CCDC150: variants seen among roughly 807,000 people sequenced by gnomAD.
CCDC150 encodes coiled-coil domain-containing protein 150.
A neutral mutation model predicts 156.5 loss-of-function variants in CCDC150; 151 were observed. That is an observed-to-expected ratio of 0.97 (90% CI 0.85 to 1.10). The LOEUF (loss-of-function observed/expected upper bound fraction) is 1.10, where lower values mean the gene tolerates loss of function less well. CCDC150 is among the 50% of genes least tolerant of loss of function. The pLI is 0.00. For synonymous variants in CCDC150, 452 were observed against 429.4 expected, an observed-to-expected ratio of 1.05 and a Z score of -0.65; for missense variants, 1,312 against 1,268.1, an observed-to-expected ratio of 1.03 and a Z score of -0.53.
chr2:196,712,793 A>T lies in CCDC150; in HGVS notation c.1866+54A>T, dbSNP rs114937787. 1,969 of 1,306,050 alleles carry T rather than the reference A, an allele frequency of 1.5e-3. 19 individuals carry two copies. The African/African-American group carries it at 0.025, about 17-fold the overall frequency. 80.9% of individuals were successfully genotyped at this position (1,306,050 alleles called of 1,614,324 possible). ...AGCATGGTGGCTCTTGAAGCTAAAAACCTTTCATAGTTCACATAATATTTT... is the reference window on the plus strand; with the variant it reads ...AGCATGGTGGCTCTTGAAGCTAAAATCCTTTCATAGTTCACATAATATTTT... On this transcript the variant is annotated intron_variant, in intron 17 of 27. Transcript: ENST00000389175.
intron 5 of CCDC150, among the ~76,000 whole-genome samples, chr2:196,664,781 C>A (rs972535086): frequency 2.0e-4 from 30 of 152,112 alleles, no homozygotes; most frequent in Non-Finnish European, 2.5e-4. Context: ...CCCCACCCCC[C>A]AGCCAATCAG....
intron 13 of CCDC150, among the ~76,000 whole-genome samples, chr2:196,689,508 T>C (rs1005385250): frequency 3.3e-5 from 5 of 152,072 alleles, no homozygotes; most frequent in Non-Finnish European, 5.9e-5. Context: ...TTTGAAGCAA[T>C]TGTGAATGGG....
At chr2:196,676,349 C>A in intron 11 of CCDC150, 82 bp downstream of exon 11, 1 of 1,517,678 alleles carries the variant, frequency 6.6e-7, no homozygotes, top group Non-Finnish European at 9.0e-7. Context: ...TCAGTCTTAT[C>A]GTCAATGAAA....
intron 1 of CCDC150, among the ~76,000 whole-genome samples, chr2:196,642,316 A>G (rs1056201384): frequency 6.6e-6 from 1 of 152,192 alleles, no homozygotes; most frequent in African/African-American, 2.4e-5. Flanking sequence ...CCATAGAACT[A>G]TGACTTATGA....
chr2:196,721,978 G>C (rs1697946670), intron 21 of CCDC150, among the ~76,000 whole-genome samples: 1 of 152,066 alleles, frequency 6.6e-6, no homozygotes, highest in African/African-American at 2.4e-5. Flanking sequence ...TGATTAGAAG[G>C]GACGTTCACA....
intron 13 of CCDC150, among the ~76,000 whole-genome samples, chr2:196,685,763 C>T (rs987734318): frequency 3.3e-5 from 5 of 152,048 alleles, no homozygotes; most frequent in African/African-American, 1.2e-4. Context: ...AGGCGCCTAC[C>T]ACCACGCCTG....
chr2:196,668,094 T>G (rs561788197), intron 7 of CCDC150, among the ~76,000 whole-genome samples: 3 of 151,972 alleles, frequency 2.0e-5, no homozygotes, highest in Non-Finnish European at 4.4e-5. Context: ...GTCAGGAGAT[T>G]GAGACCATCC....
At chr2:196,699,187 C>T (rs755966832) in intron 14 of CCDC150, among the ~76,000 whole-genome samples, 1 of 152,164 alleles carries the variant, frequency 6.6e-6, no homozygotes, top group Non-Finnish European at 1.5e-5. Flanking sequence ...GAAACCAATA[C>T]TCTACTGGTC....
At chr2:196,715,093 A>G (rs1697414612) in intron 17 of CCDC150, among the ~76,000 whole-genome samples, 3 of 152,156 alleles carry the variant, frequency 2.0e-5, no homozygotes, top group Non-Finnish European at 4.4e-5. Context: ...ATGCCTTCCT[A>G]TGGAGGGCAA....
intron 23 of CCDC150, 67 bp from the exon 24 acceptor site, chr2:196,729,726 T>C: frequency 9.5e-7 from 1 of 1,050,594 alleles, no homozygotes; most frequent in South Asian, 1.6e-5. Context: ...TGTCATCCTA[T>C]AGGCAAAAAG....
intron 4 of CCDC150, among the ~76,000 whole-genome samples, chr2:196,657,618 T>C (rs1438545446): frequency 6.6e-6 from 1 of 152,108 alleles, no homozygotes; most frequent in Non-Finnish European, 1.5e-5. Flanking sequence ...GATAGGACCT[T>C]TAGAAGCAAG....
chr2:196,730,501 A>G (rs1698463109), intron 25 of CCDC150, among the ~76,000 whole-genome samples: 1 of 152,230 alleles, frequency 6.6e-6, no homozygotes, highest in Admixed American at 6.5e-5. Context: ...CTAAATGAAT[A>G]AAAAGCATAA....
chr2:196,718,179 A>G (rs983470840), intron 17 of CCDC150: 22 of 160,294 alleles, frequency 1.4e-4, no homozygotes, highest in African/African-American at 5.0e-4. Flanking sequence ...TATAATATCA[A>G]TTTGTGCTTT....
rs1247032384 is a variant in CCDC150, at chr2:196,653,010, G to A, written c.177-3623G>A. On this transcript the variant is annotated intron_variant, in intron 2 of 27. Transcript: ENST00000389175. The stretch of plus-strand genomic sequence containing the variant: ...ATGTGGGGAGCATTCCTGAGGTGGT[G>A]CAGGGTGGTGACACCAAGTCCCCAA... Among the ~76,000 whole-genome samples the A allele has an allele frequency of 2.6e-5, 4 of 152,382 alleles. No individual in the cohort carries two copies. The East Asian group carries it at 7.7e-4, about 29-fold the overall frequency.
At chr2:196,672,260 G>A (rs1694248320) in intron 8 of CCDC150, 85 bp from the exon 9 acceptor site, 2 of 550,860 alleles carry the variant, frequency 3.6e-6, no homozygotes, top group Non-Finnish European at 5.9e-6. Context: ...AACTTGTACT[G>A]GCCGAAATAC....
Position 196,730,891 on chromosome 2 carries a change from A to T in CCDC150, c.3015A>T (p.Lys1005Asn). 1 of 1,601,538 alleles carries T rather than the reference A, an allele frequency of 6.2e-7. No homozygotes were observed. Among genetic ancestry groups the T allele is most frequent in the Non-Finnish European group, 8.5e-7 (1 of 1,173,914 alleles). Residue 1005 changes from lysine (K) to asparagine (N), a missense_variant, in exon 26 of 28, where the codon AAA becomes AAT. Physicochemically the swap from Lys to Asn is moderately conservative, Grantham distance 94. Transcript: ENST00000389175. ...ELEETVRHLK[K>N]CKEATENTLK... ...AAGAAACTGTCAGACACCTGAAGAAATGTAAAGAGGCAACAGAGAATACGC... is the reference window on the plus strand; with the variant it reads ...AAGAAACTGTCAGACACCTGAAGAATTGTAAAGAGGCAACAGAGAATACGC...
intron 2 of CCDC150, among the ~76,000 whole-genome samples, chr2:196,647,636 CAAAT>C (rs964415586): frequency 6.6e-6 from 1 of 151,800 alleles, no homozygotes; most frequent in Non-Finnish European, 1.5e-5. Flanking sequence ...TTTTAATTGA[CAAAT>C]AATTGTATAT....
At chr2:196,701,509 A>C (rs921082471) in intron 15 of CCDC150, among the ~76,000 whole-genome samples, 1 of 152,232 alleles carries the variant, frequency 6.6e-6, no homozygotes, top group East Asian at 1.9e-4. Flanking sequence ...AAAAAGAAAT[A>C]AATCTGGAAA....
intron 27 of CCDC150, 109 bp downstream of exon 27, chr2:196,732,261 T>C: frequency 7.4e-7 from 1 of 1,356,828 alleles, no homozygotes; most frequent in Non-Finnish European, 1.0e-6. Context: ...TAATCTTTAG[T>C]TTCTTTAGAC....
Sources: gnomAD v4.1 joint callset for allele counts (sites outside exome capture counted in the v4.1 genomes callset) on GRCh38, gnomAD v4.1.1 for gene constraint, MANE v1.5 for transcripts, NCBI Gene and HGNC (gene_info 2026-07-23, HGNC 2026-07-21) for gene names.